The following SFRP1 variants were observed in gnomAD, a reference collection of about 807,000 sequenced individuals.
SFRP1 encodes the protein secreted frizzled-related protein 1.
SFRP1 carries 9 observed loss-of-function variants against 25.9 expected under a neutral mutation model. The observed-to-expected ratio is 0.35, with a 90% confidence interval of 0.21 to 0.61. SFRP1 has a LOEUF of 0.61. SFRP1 is among the 20% of genes least tolerant of loss of function. The pLI is 0.78. For missense variants in SFRP1, 346 were observed against 418.2 expected (o/e 0.83, Z 1.51); for synonymous variants, 178 against 174.0 (o/e 1.02, Z -0.18).
intron 2 of SFRP1, among the ~76,000 whole-genome samples, chr8:41,296,260 T>C (rs1803842475): frequency 6.6e-6 from 1 of 152,202 alleles, no homozygotes; most frequent in African/African-American, 2.4e-5. Context: ...GTTAGTAGTG[T>C]TTACCTTGGT....
rs1181358575 is a variant in SFRP1, at chr8:41,264,414, G to A, written c.*753C>T. On this transcript the variant is annotated 3_prime_UTR_variant, in exon 3 of 3. Transcript: ENST00000220772. The stretch of plus-strand genomic sequence containing the variant: ...AGGCTCACTGTGGTTTCCTTTTTCT[G>A]ACACAAAGGCAGGCACAGGCTGCCC... 6.6e-6 allele frequency: 1 copy of A among 152,060 alleles called. No individual in the cohort carries two copies. Among genetic ancestry groups the A allele is most frequent in the Admixed American group, 6.5e-5 (1 of 15,272 alleles). The allele number at this position is 152,060 out of a possible 1,614,324, so 9.4% of individuals were successfully genotyped here.
Position 41,265,036 on chromosome 8 carries a change from A to G in SFRP1, c.*131T>C. Reference sequence around the variant, plus strand: ...AAGGGAGCGGGAATGCTGCAAGAACAAGCCGACTGGATTACAATGTCCACT... The same window carrying G: ...AAGGGAGCGGGAATGCTGCAAGAACGAGCCGACTGGATTACAATGTCCACT... On this transcript the variant is annotated 3_prime_UTR_variant, in exon 3 of 3. Transcript: ENST00000220772. 1 of 668,940 alleles carries G rather than the reference A, an allele frequency of 1.5e-6. No individual in the cohort carries two copies. The highest frequency in any genetic ancestry group is 2.5e-6 in the Non-Finnish European group (1 of 398,668). The allele number at this position is 668,940 out of a possible 1,614,324, so 41.4% of individuals were successfully genotyped here.
At chr8:41,268,397 C>G (rs974050986) in intron 2 of SFRP1, among the ~76,000 whole-genome samples, 6 of 152,220 alleles carry the variant, frequency 3.9e-5, no homozygotes. Context: ...GATATTGCTT[C>G]ATTGGAAACT....
At chr8:41,267,195 C>T (rs1028571718) in intron 2 of SFRP1, among the ~76,000 whole-genome samples, 1 of 152,182 alleles carries the variant, frequency 6.6e-6, no homozygotes, top group African/African-American at 2.4e-5. Flanking sequence ...TTCTCAACTC[C>T]CAGGAGTGTG....
At chr8:41,307,466 G>C (rs892097492) in intron 1 of SFRP1, among the ~76,000 whole-genome samples, 20 of 152,130 alleles carry the variant, frequency 1.3e-4, no homozygotes, top group Non-Finnish European at 2.5e-4. Context: ...AATAACAGAG[G>C]TTAAAGACAC....
At chr8:41,282,116 C>T (rs1452496711) in intron 2 of SFRP1, among the ~76,000 whole-genome samples, 3 of 152,210 alleles carry the variant, frequency 2.0e-5, no homozygotes, top group African/African-American at 7.2e-5. Context: ...TTGGTTGCCT[C>T]CCACATCTGC....
chr8:41,303,425 C>A (rs747342843), intron 2 of SFRP1, 36 bp downstream of exon 2: 1 of 1,550,846 alleles, frequency 6.4e-7, no homozygotes, highest in Non-Finnish European at 8.9e-7. Context: ...CAGGAGGTTC[C>A]AAACCTTCCA....
At chr8:41,306,568 G>A (rs1472195555) in intron 1 of SFRP1, among the ~76,000 whole-genome samples, 1 of 152,136 alleles carries the variant, frequency 6.6e-6, no homozygotes, top group Non-Finnish European at 1.5e-5. Context: ...TTACACCAGG[G>A]ATTGCAGTCC....
intron 2 of SFRP1, among the ~76,000 whole-genome samples, chr8:41,278,301 G>A (rs760326360): frequency 1.6e-4 from 24 of 152,160 alleles, no homozygotes; most frequent in Non-Finnish European, 3.4e-4. Context: ...TCAGAGGAAC[G>A]GACCCCAAGT....
chr8:41,268,816 C>T (rs1194864210), intron 2 of SFRP1, among the ~76,000 whole-genome samples: 1 of 152,166 alleles, frequency 6.6e-6, no homozygotes, highest in African/African-American at 2.4e-5. Flanking sequence ...CAAGAGCAGC[C>T]CGGAACTGAT....
intron 2 of SFRP1, among the ~76,000 whole-genome samples, chr8:41,290,465 A>T (rs1803761727): frequency 6.6e-6 from 1 of 152,230 alleles, no homozygotes; most frequent in Non-Finnish European, 1.5e-5. Flanking sequence ...GAGAAAAGTC[A>T]GGACCATTTA....
Position 41,262,035 on chromosome 8 carries a change from G to C in SFRP1, c.*3132C>G, listed in dbSNP as rs3242. On this transcript the variant is annotated 3_prime_UTR_variant, in exon 3 of 3. Coordinates refer to ENST00000220772, the MANE Select transcript of SFRP1 (RefSeq NM_003012.5). ...AAAAGCATGAAAATAAAATGAACAC[G>C]TACGGGAATTACTATTAACATAAGC... is the stretch of plus-strand genomic sequence containing the variant. 1 of 152,180 alleles carries C rather than the reference G, an allele frequency of 6.6e-6. No individual in the cohort carries two copies. Among genetic ancestry groups the C allele is most frequent in the Non-Finnish European group, 1.5e-5 (1 of 68,004 alleles). The allele number at this position is 152,180 out of a possible 1,614,324, so 9.4% of individuals were successfully genotyped here.
intron 2 of SFRP1, among the ~76,000 whole-genome samples, chr8:41,294,113 C>T (rs149692507): frequency 2.4e-4 from 36 of 152,230 alleles, no homozygotes; most frequent in Non-Finnish European, 3.8e-4. Context: ...AAGTGGAAGG[C>T]GCCCAGACTG....
intron 2 of SFRP1, among the ~76,000 whole-genome samples, chr8:41,288,910 C>CG (rs1212587155): frequency 6.6e-6 from 1 of 152,140 alleles, no homozygotes; most frequent in African/African-American, 2.4e-5. Context: ...GCTGCAAATG[C>CG]GGGGATCAGC....
At chr8:41,279,349 GC>G (rs1033528769) in intron 2 of SFRP1, among the ~76,000 whole-genome samples, 3 of 152,134 alleles carry the variant, frequency 2.0e-5, no homozygotes, top group African/African-American at 7.2e-5. Flanking sequence ...CCGAGTGCTT[GC>G]CCAGGCCGGG....
At chr8:41,282,630 A>G (rs1039311899) in intron 2 of SFRP1, among the ~76,000 whole-genome samples, 1 of 152,092 alleles carries the variant, frequency 6.6e-6, no homozygotes, top group African/African-American at 2.4e-5. Context: ...CAAGCATGGG[A>G]AAGCATTTTG....
At chr8:41,282,663 A>C (rs1288964695) in intron 2 of SFRP1, among the ~76,000 whole-genome samples, 2 of 152,122 alleles carry the variant, frequency 1.3e-5, no homozygotes, top group Admixed American at 6.5e-5. Flanking sequence ...TGTTCCTCTT[A>C]CTTTTAATTC....
intron 2 of SFRP1, among the ~76,000 whole-genome samples, chr8:41,277,190 G>A (rs1193769420): frequency 6.6e-6 from 1 of 152,106 alleles, no homozygotes; most frequent in African/African-American, 2.4e-5. Context: ...TTCCCAGTGT[G>A]CAGCTTAGCC....
intron 1 of SFRP1, chr8:41,306,727 C>T (rs768651999): frequency 7.5e-6 from 12 of 1,597,728 alleles, no homozygotes; most frequent in East Asian, 2.2e-5. Context: ...ACTACCTGAG[C>T]GCTGCTGGGA....
Sources: gnomAD v4.1 joint callset for allele counts (sites outside exome capture counted in the v4.1 genomes callset) on GRCh38, gnomAD v4.1.1 for gene constraint, MANE v1.5 for transcripts, NCBI Gene and HGNC (gene_info 2026-07-23, HGNC 2026-07-21) for gene names.